The following GABRB2 variants were observed in gnomAD, a reference collection of about 807,000 sequenced individuals.
GABRB2 encodes gamma-aminobutyric acid receptor subunit beta-2.
In GABRB2, 16 loss-of-function variants were observed where a neutral mutation model predicts 54.7. The observed-to-expected ratio is 0.29, with a 90% confidence interval of 0.20 to 0.44. The LOEUF (loss-of-function observed/expected upper bound fraction) is 0.44, where lower values mean the gene tolerates loss of function less well. GABRB2 is among the 20% of genes least tolerant of loss of function. GABRB2 has a pLI of 1.00. For synonymous variants in GABRB2, 244 were observed against 233.8 expected, an observed-to-expected ratio of 1.04 and a Z score of -0.40; for missense variants, 355 against 644.0, an observed-to-expected ratio of 0.55 and a Z score of 4.86.
At chr5:161,506,720 G>A (rs1759616048) in intron 3 of GABRB2, among the ~76,000 whole-genome samples, 1 of 152,042 alleles carries the variant, frequency 6.6e-6, no homozygotes, top group African/African-American at 2.4e-5. Flanking sequence ...CAGTAATCAA[G>A]GTAGTGGTGC....
chr5:161,383,686 AACAATTTATTAGATAGTGCTAATCTAC>A (rs1291236234), intron 5 of GABRB2, among the ~76,000 whole-genome samples: 1 of 152,178 alleles, frequency 6.6e-6, no homozygotes, highest in Non-Finnish European at 1.5e-5. Context: ...ATCACTGCGG[AACAATTTATTAGATAGTGCTAATCTAC>A]ATCCAACCCT....
At chr5:161,485,971 G>C (rs1758911810) in intron 3 of GABRB2, among the ~76,000 whole-genome samples, 1 of 151,928 alleles carries the variant, frequency 6.6e-6, no homozygotes, top group Non-Finnish European at 1.5e-5. Flanking sequence ...GTTGGTTCTT[G>C]ATGGTATTGC....
At chr5:161,347,632 CCAGA>C (rs1440132087) in intron 5 of GABRB2, among the ~76,000 whole-genome samples, 1 of 152,054 alleles carries the variant, frequency 6.6e-6, no homozygotes, top group East Asian at 1.9e-4. Flanking sequence ...TGGCAGCTAG[CCAGA>C]CAGTCTTCAG....
At chr5:161,312,360 A>G (rs1418990014) in intron 9 of GABRB2, among the ~76,000 whole-genome samples, 1 of 152,216 alleles carries the variant, frequency 6.6e-6, no homozygotes, top group Non-Finnish European at 1.5e-5. Context: ...ATGACGGCAG[A>G]CAGTGAAAGT....
At chr5:161,337,567 G>A (rs1754028492) in intron 5 of GABRB2, among the ~76,000 whole-genome samples, 1 of 152,092 alleles carries the variant, frequency 6.6e-6, no homozygotes, top group Non-Finnish European at 1.5e-5. Flanking sequence ...TGCTGGGGAT[G>A]AGAGTCTATA....
chr5:161,546,515 G>A lies in GABRB2; in HGVS notation c.77+52C>T, dbSNP rs370945327. The A allele has an allele frequency of 7.7e-5, 121 of 1,574,776 alleles. No individual in the cohort carries two copies. The African/African-American group carries it at 1.4e-3, about 18-fold the overall frequency. ...ATTTCCCTGCTCACAGAGGTATGCA[G>A]ACAGAACCCTTCAAAGTGAGAACGG... is the stretch of plus-strand genomic sequence containing the variant. On this transcript the variant is annotated intron_variant, in intron 1 of 9. Coordinates refer to ENST00000393959, the MANE Select transcript of GABRB2 (RefSeq NM_001371727.1).
chr5:161,415,958 A>T (rs1213654258), intron 4 of GABRB2, among the ~76,000 whole-genome samples: 2 of 47,620 alleles, frequency 4.2e-5, no homozygotes, highest in Non-Finnish European at 9.1e-5. Context: ...TTTTGTTTTG[A>T]GACTGGGTCT....
intron 4 of GABRB2, among the ~76,000 whole-genome samples, chr5:161,458,176 A>G (rs900482301): frequency 2.6e-5 from 4 of 152,154 alleles, no homozygotes; most frequent in African/African-American, 9.7e-5. Context: ...CTGATACTGT[A>G]TGTTTTGTAG....
intron 3 of GABRB2, among the ~76,000 whole-genome samples, chr5:161,522,491 T>C (rs1760145091): frequency 6.6e-6 from 1 of 151,806 alleles, no homozygotes; most frequent in Non-Finnish European, 1.5e-5. Flanking sequence ...ACACAACCAC[T>C]GCTTGTCAGC....
At position 161,290,493 on chromosome 5, in the gene GABRB2, C is replaced by T. The variant is rs1339942892; in HGVS notation, c.*3588G>A. 6.6e-6 allele frequency: 1 copy of T among 152,434 alleles called. No homozygotes were observed. The highest frequency in any genetic ancestry group is 2.4e-5 in the African/African-American group (1 of 41,396). 9.4% of individuals were successfully genotyped at this position (152,434 alleles called of 1,614,324 possible). ...TGCTGATAGAGAAATGCTCAGTACC[C>T]TGTATTACTTATTTCAGTATGTTGA... is the stretch of plus-strand genomic sequence containing the variant. On this transcript the variant is annotated 3_prime_UTR_variant, in exon 10 of 10. Transcript: ENST00000393959.
rs114416714 is a variant in GABRB2, at chr5:161,413,054, C to T, written c.459-1997G>A. Among the ~76,000 whole-genome samples, 354 of 152,248 alleles carry T rather than the reference C, an allele frequency of 2.3e-3. 2 individuals are homozygous for T. The highest frequency in any genetic ancestry group is 7.9e-3 in the African/African-American group (329 of 41,546). ...GAGTGCTGGGATTACAGACATGAGC[C>T]ACTGCACTCCCTTATTTATGTTTTA... is the stretch of plus-strand genomic sequence containing the variant. On this transcript the variant is annotated intron_variant, in intron 4 of 9. Coordinates refer to ENST00000393959, the MANE Select transcript of GABRB2 (RefSeq NM_001371727.1).
chr5:161,515,273 G>T (rs1010271286), intron 3 of GABRB2, among the ~76,000 whole-genome samples: 2 of 151,212 alleles, frequency 1.3e-5, no homozygotes, highest in Non-Finnish European at 2.9e-5. Context: ...AAGGGAATTA[G>T]AATTTTTTAA....
chr5:161,390,223 C>T (rs1269631081), intron 5 of GABRB2, among the ~76,000 whole-genome samples: 3 of 151,990 alleles, frequency 2.0e-5, no homozygotes, highest in African/African-American at 7.2e-5. Context: ...GTCATCTCTG[C>T]TGAATTTTGT....
intron 6 of GABRB2, among the ~76,000 whole-genome samples, chr5:161,335,220 A>T (rs1050834262): frequency 2.0e-5 from 3 of 151,988 alleles, no homozygotes; most frequent in Non-Finnish European, 4.4e-5. Flanking sequence ...TCATTCTTTC[A>T]ATTGTTCCTT....
At chr5:161,542,553 C>T (rs1321233053) in intron 3 of GABRB2, among the ~76,000 whole-genome samples, 5 of 152,208 alleles carry the variant, frequency 3.3e-5, no homozygotes, top group Admixed American at 3.3e-4. Context: ...ATCTGAGACT[C>T]CTGATTCACT....
intron 4 of GABRB2, among the ~76,000 whole-genome samples, chr5:161,428,887 A>G (rs1757088616): frequency 1.3e-5 from 2 of 152,142 alleles, no homozygotes; most frequent in Admixed American, 6.6e-5. Flanking sequence ...TAGGGCATCT[A>G]CCTCTGAACA....
At chr5:161,312,301 T>C (rs1241487141) in intron 9 of GABRB2, among the ~76,000 whole-genome samples, 1 of 152,202 alleles carries the variant, frequency 6.6e-6, no homozygotes, top group Non-Finnish European at 1.5e-5. Context: ...GTCAAATATC[T>C]CTCTCTTTCA....
intron 4 of GABRB2, among the ~76,000 whole-genome samples, chr5:161,416,334 G>A (rs929132775): frequency 2.0e-5 from 3 of 151,958 alleles, no homozygotes; most frequent in Non-Finnish European, 4.4e-5. Flanking sequence ...CAGCCAATAC[G>A]AAAACCTCAG....
intron 3 of GABRB2, among the ~76,000 whole-genome samples, chr5:161,543,314 A>C (rs931535890): frequency 1.1e-4 from 16 of 152,226 alleles, no homozygotes; most frequent in Non-Finnish European, 2.1e-4. Context: ...GCATGTAGGC[A>C]AAAAATGAAT....
Sources: gnomAD v4.1 joint callset for allele counts (sites outside exome capture counted in the v4.1 genomes callset) on GRCh38, gnomAD v4.1.1 for gene constraint, MANE v1.5 for transcripts, NCBI Gene and HGNC (gene_info 2026-07-23, HGNC 2026-07-21) for gene names.